Variants in PRKCB observed in about 807,000 individuals in gnomAD.
PRKCB encodes protein kinase C beta type.
Under a neutral mutation model 81.5 loss-of-function variants are expected in PRKCB, and 13 were observed. The ratio of observed to expected loss-of-function variants is 0.16; its 90% CI spans 0.10 to 0.25. The LOEUF is 0.25. Ranked by LOEUF, PRKCB falls within the 10% of genes least tolerant of loss-of-function variation. The pLI is 1.00. For synonymous variants in PRKCB, 335 were observed against 321.4 expected (o/e 1.04, Z -0.45); for missense variants, 509 against 875.7 (o/e 0.58, Z 5.29).
chr16:23,971,516 C>T (rs1964556416), intron 2 of PRKCB, among the ~76,000 whole-genome samples: 1 of 152,170 alleles, frequency 6.6e-6, no homozygotes, highest in African/African-American at 2.4e-5. Context: ...TGCTGGTTGA[C>T]TTTTGTCTGA....
At chr16:24,084,458 T>C (rs939269321) in intron 5 of PRKCB, among the ~76,000 whole-genome samples, 1 of 152,150 alleles carries the variant, frequency 6.6e-6, no homozygotes, top group African/African-American at 2.4e-5. Flanking sequence ...AAACACACTT[T>C]GTCAGTCTTG....
chr16:24,217,420 G>A lies in PRKCB; in HGVS notation c.*2604G>A. 1 of 985,400 alleles carries A rather than the reference G, an allele frequency of 1.0e-6. No individual in the cohort carries two copies. Among genetic ancestry groups the A allele is most frequent in the Non-Finnish European group, 1.2e-6 (1 of 829,930 alleles). 61.0% of individuals were successfully genotyped at this position (985,400 alleles called of 1,614,324 possible). On this transcript the variant is annotated 3_prime_UTR_variant, in exon 17 of 17. Transcript: ENST00000643927. The stretch of plus-strand genomic sequence containing the variant: ...CCATAGCAACAAGGACCTTCTTGGG[G>A]GATTAATGGGAGGTCAGTAGAATTA...
intron 2 of PRKCB, among the ~76,000 whole-genome samples, chr16:23,863,069 A>G (rs933665489): frequency 1.4e-5 from 2 of 144,384 alleles, no homozygotes; most frequent in Non-Finnish European, 3.0e-5. Flanking sequence ...TTAAAATCAT[A>G]TATATATGAT....
chr16:23,887,589 A>G (rs1567303041), intron 2 of PRKCB, among the ~76,000 whole-genome samples: 1 of 152,270 alleles, frequency 6.6e-6, no homozygotes, highest in African/African-American at 2.4e-5. Context: ...TCTTTATCCA[A>G]TCCATTGTTG....
chr16:24,066,073 T>C (rs1304737594), intron 5 of PRKCB, among the ~76,000 whole-genome samples: 2 of 109,172 alleles, frequency 1.8e-5, no homozygotes, highest in Admixed American at 9.4e-5. Flanking sequence ...ACTGTGATGT[T>C]CCTGTGTGTG....
intron 9 of PRKCB, among the ~76,000 whole-genome samples, chr16:24,130,288 A>T (rs1038980067): frequency 6.6e-6 from 1 of 152,156 alleles, no homozygotes; most frequent in African/African-American, 2.4e-5. Flanking sequence ...CATGAAAGCA[A>T]CTGTGATGTT....
chr16:24,094,064 T>G, intron 6 of PRKCB, 99 bp from the exon 7 acceptor site: 1 of 1,359,280 alleles, frequency 7.4e-7, no homozygotes, highest in Non-Finnish European at 1.0e-6. Flanking sequence ...CTTGTAATCT[T>G]TAAAACTTTC....
chr16:24,111,716 T>C (rs1256324652), intron 7 of PRKCB, among the ~76,000 whole-genome samples: 1 of 152,074 alleles, frequency 6.6e-6, no homozygotes, highest in African/African-American at 2.4e-5. Flanking sequence ...GAGGATTGTT[T>C]GAGCCCAGGA....
intron 5 of PRKCB, among the ~76,000 whole-genome samples, chr16:24,052,205 G>A (rs1020811666): frequency 1.3e-5 from 2 of 152,184 alleles, no homozygotes; most frequent in Non-Finnish European, 2.9e-5. Flanking sequence ...GCAATGTCCT[G>A]TACTTGAGCT....
At chr16:23,976,267 C>T (rs1159430945) in intron 2 of PRKCB, among the ~76,000 whole-genome samples, 1 of 152,106 alleles carries the variant, frequency 6.6e-6, no homozygotes, top group East Asian at 1.9e-4. Flanking sequence ...CATTGCACTC[C>T]ACCTTGGGTG....
rs551324098 is a variant in PRKCB, at chr16:24,047,529, T to C, written c.529+11982T>C. On this transcript the variant is annotated intron_variant, in intron 5 of 16. Transcript: ENST00000643927. Reference sequence around the variant, plus strand: ...CTGGGCGACAGAGCGAGACCCTGTCTCTCCTTCTAAAAAAAAAAAAAAGAA... The same window carrying C: ...CTGGGCGACAGAGCGAGACCCTGTCCCTCCTTCTAAAAAAAAAAAAAAGAA... Among the ~76,000 whole-genome samples the C allele has an allele frequency of 8.7e-5, 13 of 148,824 alleles. No homozygotes were observed. The South Asian group carries it at 2.8e-3, about 32-fold the overall frequency.
rs139333354 is a variant in PRKCB at position 23,905,883 on chromosome 16, A to G, written c.205+68477A>G. On this transcript the variant is annotated intron_variant, in intron 2 of 16. Coordinates refer to ENST00000643927, the MANE Select transcript of PRKCB (RefSeq NM_002738.7). ...AATAATGTCTCATGGGGATTGATACATAGAGCTGCCTCATACTCCTCTAAG... is the reference window on the plus strand; with the variant it reads ...AATAATGTCTCATGGGGATTGATACGTAGAGCTGCCTCATACTCCTCTAAG... 2.1e-3 allele frequency among the ~76,000 whole-genome samples: 326 copies of G among 152,318 alleles called. 3 individuals are homozygous for G. Among genetic ancestry groups the G allele is most frequent in the African/African-American group, 7.4e-3 (309 of 41,542 alleles).
At chr16:24,176,713 T>C (rs769665557) in intron 12 of PRKCB, among the ~76,000 whole-genome samples, 18 of 152,018 alleles carry the variant, frequency 1.2e-4, no homozygotes, top group Non-Finnish European at 2.4e-4. Flanking sequence ...GCTAACATGG[T>C]GAAACCTCAT....
intron 7 of PRKCB, among the ~76,000 whole-genome samples, chr16:24,094,646 A>G (rs1966416941): frequency 6.6e-6 from 1 of 152,102 alleles, no homozygotes; most frequent in Non-Finnish European, 1.5e-5. Context: ...GTGTGCCTGT[A>G]GTTCCAGCTA....
intron 8 of PRKCB, among the ~76,000 whole-genome samples, chr16:24,122,587 G>A (rs1966812754): frequency 6.6e-6 from 1 of 151,822 alleles, no homozygotes; most frequent in Non-Finnish European, 1.5e-5. Flanking sequence ...GGCCTCCCAG[G>A]TAGCTGGGAT....
intron 5 of PRKCB, among the ~76,000 whole-genome samples, chr16:24,084,355 A>G (rs1253825107): frequency 6.6e-6 from 1 of 152,176 alleles, no homozygotes; most frequent in African/African-American, 2.4e-5. Flanking sequence ...CTGGGGACAA[A>G]AAGTAATCAT....
chr16:24,013,614 C>T (rs1037775619), intron 3 of PRKCB, among the ~76,000 whole-genome samples: 1 of 152,078 alleles, frequency 6.6e-6, no homozygotes, highest in Non-Finnish European at 1.5e-5. Flanking sequence ...ATTATTACCC[C>T]CTGCTGGGAT....
At chr16:24,184,206 A>G (rs954195170) in intron 13 of PRKCB, among the ~76,000 whole-genome samples, 1 of 152,230 alleles carries the variant, frequency 6.6e-6, no homozygotes, top group Non-Finnish European at 1.5e-5. Flanking sequence ...TCTATTGCCC[A>G]TAATCCCAGT....
intron 9 of PRKCB, among the ~76,000 whole-genome samples, chr16:24,140,643 G>T (rs565111153): frequency 2.6e-5 from 4 of 152,104 alleles, no homozygotes; most frequent in Admixed American, 1.3e-4. Flanking sequence ...ATGGGTTCAC[G>T]TCGGGGCTGT....
Sources: gnomAD v4.1 joint callset for allele counts (sites outside exome capture counted in the v4.1 genomes callset) on GRCh38, gnomAD v4.1.1 for gene constraint, MANE v1.5 for transcripts, NCBI Gene and HGNC (gene_info 2026-07-23, HGNC 2026-07-21) for gene names.